Variants in HDAC4 observed in about 807,000 individuals in gnomAD.
The protein encoded by HDAC4 is histone deacetylase A.
In HDAC4, 16 loss-of-function variants were observed where a neutral mutation model predicts 135.1. The ratio of observed to expected loss-of-function variants is 0.12; its 90% confidence interval spans 0.08 to 0.18. The LOEUF is 0.18. Ranked by LOEUF, HDAC4 falls within the 10% of genes least tolerant of loss-of-function variation. The pLI is 1.00. For synonymous variants in HDAC4, 685 were observed against 653.4 expected, an observed-to-expected ratio of 1.05 and a Z score of -0.74; for missense variants, 1,143 against 1,511.8, an observed-to-expected ratio of 0.76 and a Z score of 4.05.
At position 239,115,638 on chromosome 2, in the gene HDAC4, CAG is replaced by C. The variant is rs950986802; in HGVS notation, c.1534-330_1534-329del. On this transcript the variant is annotated intron_variant, in intron 12 of 26. Transcript: ENST00000543185. The surrounding 1 kb of genome is among the most constrained non-coding windows in gnomAD (Gnocchi z 6.3). ...ACAGAAAAGAAGCTGCAGGTGTCAA[CAG>C]AGTCTGCAGAGGAGAGCTTGAGTGT... Among the ~76,000 whole-genome samples, 25 of 152,190 alleles carry C rather than the reference CAG, an allele frequency of 1.6e-4. 1 individual carries two copies. The highest frequency in any genetic ancestry group is 5.8e-4 in the African/African-American group (24 of 41,534).
chr2:239,105,506 C>G (rs531202641), intron 15 of HDAC4, among the ~76,000 whole-genome samples: 2 of 152,238 alleles, frequency 1.3e-5, no homozygotes, highest in Non-Finnish European at 2.9e-5. Flanking sequence ...CTGGGAGCCA[C>G]GTCTTGCTGG....
At chr2:239,067,633 G>T (rs2033686856) in intron 23 of HDAC4, among the ~76,000 whole-genome samples, 1 of 152,134 alleles carries the variant, frequency 6.6e-6, no homozygotes, top group African/African-American at 2.4e-5. Context: ...TTTGCCCTCT[G>T]TCTGGTCACT....
chr2:239,297,333 C>T (rs375606662), intron 2 of HDAC4, among the ~76,000 whole-genome samples: 6 of 152,236 alleles, frequency 3.9e-5, no homozygotes, highest in Admixed American at 1.3e-4. Context: ...GAAAGGGTCC[C>T]ATGCTGTCCC....
chr2:239,214,357 G>C (rs1014473811), intron 3 of HDAC4, among the ~76,000 whole-genome samples: 1 of 152,156 alleles, frequency 6.6e-6, no homozygotes, highest in East Asian at 1.9e-4. Flanking sequence ...AAGAACCCTC[G>C]TGAAGACAAA....
chr2:239,119,646 G>C (rs1427469841), intron 12 of HDAC4, among the ~76,000 whole-genome samples: 1 of 152,128 alleles, frequency 6.6e-6, no homozygotes, highest in African/African-American at 2.4e-5. Flanking sequence ...AGGGTGCGGG[G>C]ACCAGACCTA....
chr2:239,163,702 G>C (rs1458980830), intron 6 of HDAC4, 101 bp downstream of exon 6: 1 of 1,226,716 alleles, frequency 8.2e-7, no homozygotes, highest in Non-Finnish European at 1.2e-6. Context: ...CTCCTTCCCT[G>C]CCTCCGGTGA....
intron 18 of HDAC4, among the ~76,000 whole-genome samples, chr2:239,087,855 A>G (rs1019617074): frequency 4.7e-5 from 3 of 64,470 alleles, no homozygotes; most frequent in Admixed American, 3.6e-4. Flanking sequence ...AAACGCAGTC[A>G]CTAGGATAAC....
intron 12 of HDAC4, among the ~76,000 whole-genome samples, chr2:239,121,403 C>T (rs1371034780): frequency 3.3e-5 from 5 of 152,204 alleles, no homozygotes; most frequent in Non-Finnish European, 5.9e-5. Flanking sequence ...TTCAGGGGCC[C>T]CAAGGCCACT....
intron 5 of HDAC4, among the ~76,000 whole-genome samples, chr2:239,170,759 A>C (rs1575278687): frequency 6.6e-6 from 1 of 152,314 alleles, no homozygotes; most frequent in Middle Eastern, 3.4e-3. Flanking sequence ...CGAGGTCAGA[A>C]ACAGGGACCG....
intron 1 of HDAC4, among the ~76,000 whole-genome samples, chr2:239,398,175 T>A (rs1478350206): frequency 6.6e-6 from 1 of 152,254 alleles, no homozygotes; most frequent in African/African-American, 2.4e-5. Context: ...CCTCTGCGGC[T>A]CCTTCGCGCC....
chr2:239,345,871 C>T (rs537894853), intron 2 of HDAC4, among the ~76,000 whole-genome samples: 21 of 150,042 alleles, frequency 1.4e-4, no homozygotes, highest in South Asian at 1.3e-3. Context: ...CACACCCTAA[C>T]ACACATACAC....
At position 239,303,326 on chromosome 2, in the gene HDAC4, G is replaced by C. The variant is rs1030055815; in HGVS notation, c.22+49352C>G. Among the ~76,000 whole-genome samples, 3 of 152,212 alleles carry C rather than the reference G, an allele frequency of 2.0e-5. No homozygotes were observed. Among genetic ancestry groups the C allele is most frequent in the African/African-American group, 7.2e-5 (3 of 41,440 alleles). On this transcript the variant is annotated intron_variant, in intron 2 of 26. Transcript: ENST00000543185. This position sits in a 1 kb window ranked among gnomAD's most constrained non-coding sequence, Gnocchi z 5.1. ...TTTATCTACGCTCCCGGATTGACTT[G>C]TCCTCCTCTGATGCCTGGTTCCTCT...
At chr2:239,372,245 G>C (rs1461752356) in intron 1 of HDAC4, among the ~76,000 whole-genome samples, 9 of 152,194 alleles carry the variant, frequency 5.9e-5, no homozygotes, top group Non-Finnish European at 8.8e-5. Flanking sequence ...TTGTGATCCA[G>C]AGAAAAGGCC....
intron 2 of HDAC4, among the ~76,000 whole-genome samples, chr2:239,302,203 T>C (rs1210474227): frequency 6.6e-6 from 1 of 152,144 alleles, no homozygotes; most frequent in Admixed American, 6.5e-5. Flanking sequence ...TCTGTCCTGA[T>C]TGGAGAACAT....
At chr2:239,081,968 A>T in intron 21 of HDAC4, 134 bp downstream of exon 21, 2 of 878,864 alleles carry the variant, frequency 2.3e-6, no homozygotes, top group Non-Finnish European at 3.6e-6. Flanking sequence ...GACTGAAGTT[A>T]CTGTCTGGGC....
intron 2 of HDAC4, among the ~76,000 whole-genome samples, chr2:239,239,480 C>G (rs1026458614): frequency 6.6e-6 from 1 of 152,118 alleles, no homozygotes; most frequent in African/African-American, 2.4e-5. Context: ...CCGAGGCTAT[C>G]CAGGGGTCCT....
At chr2:239,160,227 T>C (rs968113694) in intron 6 of HDAC4, among the ~76,000 whole-genome samples, 1 of 152,216 alleles carries the variant, frequency 6.6e-6, no homozygotes. Context: ...ATAAAAACCA[T>C]CCTTTCAACT....
chr2:239,342,697 G>A (rs1414390014), intron 2 of HDAC4, among the ~76,000 whole-genome samples: 2 of 152,178 alleles, frequency 1.3e-5, no homozygotes, highest in African/African-American at 2.4e-5. Context: ...CTGAAGGAAA[G>A]GCAGCAAGGG....
intron 22 of HDAC4, among the ~76,000 whole-genome samples, chr2:239,080,432 G>A (rs995045730): frequency 3.9e-5 from 6 of 152,218 alleles, no homozygotes; most frequent in East Asian, 1.9e-4. Context: ...CTGGACGCCC[G>A]TCACTCCACC....
Sources: allele counts gnomAD v4.1 joint callset (sites outside exome capture counted in the v4.1 genomes callset), GRCh38; gene constraint gnomAD v4.1.1; non-coding constraint Gnocchi (gnomAD v3.1); transcripts MANE v1.5; gene names NCBI Gene and HGNC (gene_info 2026-07-23, HGNC 2026-07-21).